CNBD1: variants seen among roughly 807,000 people sequenced by gnomAD.
The protein encoded by CNBD1 is cyclic nucleotide binding domain containing 1.
In CNBD1, 71 loss-of-function variants were observed where a neutral mutation model predicts 54.4. The ratio of observed to expected loss-of-function variants is 1.30; its 90% CI spans 1.08 to 1.59. The LOEUF (loss-of-function observed/expected upper bound fraction) is 1.59. CNBD1 is among the 40% of genes most tolerant of loss of function. The probability of loss-of-function intolerance (pLI) is 0.00; values close to 1 mark genes in which losing one functional copy is unlikely to be tolerated. For missense variants in CNBD1, 659 were observed against 518.0 expected (o/e 1.27, Z -2.64); for synonymous variants, 182 against 170.7 (o/e 1.07, Z -0.51).
chr8:87,408,735 G>T (rs1224237238), intron 2 of CNBD1, among the ~76,000 whole-genome samples: 3 of 152,032 alleles, frequency 2.0e-5, no homozygotes, highest in African/African-American at 4.8e-5. Context: ...GTGTCTCCGT[G>T]TCACATGTTA....
intron 6 of CNBD1, among the ~76,000 whole-genome samples, chr8:87,256,011 A>ATTTTTTTTTTT (rs1563526133): frequency 5.2e-5 from 1 of 19,258 alleles, no homozygotes; most frequent in Non-Finnish European, 8.0e-5. Context: ...ATATATATAT[A>ATTTTTTTTTTT]TATATTTTTT....
intron 1 of CNBD1, among the ~76,000 whole-genome samples, chr8:86,886,483 AT>A (rs1388304016): frequency 1.3e-5 from 2 of 152,174 alleles, no homozygotes; most frequent in Non-Finnish European, 2.9e-5. Context: ...ATGGATAACA[AT>A]CAGTTGTCTG....
chr8:87,202,425 G>A (rs905236847), intron 4 of CNBD1, among the ~76,000 whole-genome samples: 14 of 152,280 alleles, frequency 9.2e-5, no homozygotes, highest in Admixed American at 7.9e-4. Flanking sequence ...GAGAGAGAAC[G>A]TGGAGCAGCA....
At chr8:86,970,313 C>T in intron 4 of CNBD1, among the ~76,000 whole-genome samples, 1 of 152,174 alleles carries the variant, frequency 6.6e-6, no homozygotes, top group East Asian at 1.9e-4. Flanking sequence ...TAATTATGTC[C>T]TATGTGTCTT....
intron 8 of CNBD1, among the ~76,000 whole-genome samples, chr8:87,296,386 T>C (rs1408391014): frequency 1.3e-5 from 2 of 152,000 alleles, no homozygotes; most frequent in Non-Finnish European, 2.9e-5. Flanking sequence ...CAGTTAGGTA[T>C]GTAGGGGAGG....
chr8:87,022,110 C>T (rs1300810919), intron 4 of CNBD1, among the ~76,000 whole-genome samples: 3 of 152,056 alleles, frequency 2.0e-5, no homozygotes, highest in Admixed American at 6.6e-5. Context: ...GCCTGCATCA[C>T]GGGTAGTAAA....
chr8:86,914,774 C>T (rs1809157190), intron 3 of CNBD1, among the ~76,000 whole-genome samples: 1 of 152,060 alleles, frequency 6.6e-6, no homozygotes, highest in South Asian at 2.1e-4. Context: ...ATTATTTTAT[C>T]TAAAGTGCAC....
At chr8:87,134,108 A>C (rs1399674357) in intron 4 of CNBD1, among the ~76,000 whole-genome samples, 2 of 152,208 alleles carry the variant, frequency 1.3e-5, no homozygotes, top group Non-Finnish European at 2.9e-5. Flanking sequence ...TTCATAAAAC[A>C]TATTGGAAAA....
intron 4 of CNBD1, among the ~76,000 whole-genome samples, chr8:87,019,931 A>G (rs950918500): frequency 6.6e-6 from 1 of 152,138 alleles, no homozygotes; most frequent in African/African-American, 2.4e-5. Context: ...TGGTCCTACA[A>G]TTCTCAAGTA....
chr8:87,382,182 T>C (rs1405469133), intron 10 of CNBD1, among the ~76,000 whole-genome samples: 1 of 151,972 alleles, frequency 6.6e-6, no homozygotes, highest in Non-Finnish European at 1.5e-5. Flanking sequence ...TGGAATTTAA[T>C]ATAGCTCTGT....
chr8:87,428,143 AG>A (rs61552323), intron 2 of CNBD1, among the ~76,000 whole-genome samples: 4 of 149,170 alleles, frequency 2.7e-5, no homozygotes, highest in Non-Finnish European at 3.0e-5. Flanking sequence ...ACCAAAAAAA[AG>A]GCAAAAAAAG....
chr8:87,139,971 T>A (rs1430118746), intron 4 of CNBD1, among the ~76,000 whole-genome samples: 1 of 152,146 alleles, frequency 6.6e-6, no homozygotes, highest in African/African-American at 2.4e-5. Flanking sequence ...AAAGTTACAT[T>A]TGCAGTTCTG....
intron 8 of CNBD1, among the ~76,000 whole-genome samples, chr8:87,343,501 G>T (rs1290556311): frequency 1.3e-5 from 2 of 152,106 alleles, no homozygotes; most frequent in African/African-American, 4.8e-5. Flanking sequence ...CCTCCATTCG[G>T]GGTCCCTGAC....
chr8:87,365,974 G>A (rs1810633434), intron 10 of CNBD1, among the ~76,000 whole-genome samples: 1 of 151,972 alleles, frequency 6.6e-6, no homozygotes, highest in Admixed American at 6.6e-5. Context: ...GTCATAAAAT[G>A]TCCTATAAAT....
rs1436993603 is a variant in CNBD1, at chr8:87,044,838, C to T, written c.431+105084C>T. Among the ~76,000 whole-genome samples, 5 of 152,244 alleles carry T rather than the reference C, an allele frequency of 3.3e-5. No homozygotes were observed. In the East Asian group the frequency reaches 5.8e-4, roughly 18 times the overall value. Reference sequence around the variant, plus strand: ...ACAAAAAGAACAAAAGGCTTCTATGCGGGACCTTGGCTGCCTGGCCTACTT... The same window carrying T: ...ACAAAAAGAACAAAAGGCTTCTATGTGGGACCTTGGCTGCCTGGCCTACTT... On this transcript the variant is annotated intron_variant, in intron 4 of 10. Transcript: ENST00000518476.
At chr8:87,273,242 A>G (rs1217613906) in intron 6 of CNBD1, among the ~76,000 whole-genome samples, 1 of 151,984 alleles carries the variant, frequency 6.6e-6, no homozygotes, top group Admixed American at 6.6e-5. Context: ...TTTAAAATAT[A>G]TATCTGGTTG....
chr8:87,327,571 G>A (rs890921501), intron 8 of CNBD1, among the ~76,000 whole-genome samples: 1 of 152,160 alleles, frequency 6.6e-6, no homozygotes, highest in Non-Finnish European at 1.5e-5. Flanking sequence ...GATTTTCCAG[G>A]TGCGTCAGTC....
At chr8:87,403,047 T>A (rs980739682) in intron 2 of CNBD1, among the ~76,000 whole-genome samples, 1 of 152,068 alleles carries the variant, frequency 6.6e-6, no homozygotes, top group South Asian at 2.1e-4. Context: ...ATTGAATTTA[T>A]TGCTTTCTTA....
chr8:87,332,066 G>A (rs773569631), intron 8 of CNBD1, among the ~76,000 whole-genome samples: 2 of 151,906 alleles, frequency 1.3e-5, no homozygotes, highest in African/African-American at 2.4e-5. Context: ...TTTAGTTTAA[G>A]GCTGGGCGTT....
Sources: allele counts gnomAD v4.1 joint callset (sites outside exome capture counted in the v4.1 genomes callset), GRCh38; gene constraint gnomAD v4.1.1; transcripts MANE v1.5; gene names NCBI Gene and HGNC (gene_info 2026-07-23, HGNC 2026-07-21).